The following GAA variants were observed in gnomAD, a reference collection of about 807,000 sequenced individuals.
The protein encoded by GAA is lysosomal alpha-glucosidase.
Under a neutral mutation model 103.9 loss-of-function variants are expected in GAA, and 88 were observed. The observed-to-expected ratio is 0.85, with a 90% confidence interval of 0.71 to 1.01. The LOEUF is 1.01. GAA is among the 50% of genes least tolerant of loss of function. The probability of loss-of-function intolerance (pLI) is 0.00; values close to 1 mark genes in which losing one functional copy is unlikely to be tolerated. For synonymous variants in GAA, 572 were observed against 563.1 expected, an observed-to-expected ratio of 1.02 and a Z score of -0.22; for missense variants, 1,350 against 1,305.3, an observed-to-expected ratio of 1.03 and a Z score of -0.53.
Position 80,105,144 on chromosome 17 carries a change from AGGGGCG to A in GAA, c.546+20_546+25del, listed in dbSNP as rs2039049083. The A allele has an allele frequency of 1.3e-6, 2 of 1,599,308 alleles. No homozygotes were observed. The highest frequency in any genetic ancestry group is 1.3e-5 in the African/African-American group (1 of 74,816). ...GCCTCCACTTCACGGTGGGCAGGGC[AGGGGCG>A]GGGGCGGCGGCCAGGGCAGAGGGTG... On this transcript the variant is annotated intron_variant, in intron 2 of 19. Transcript: ENST00000302262.
At chr17:80,108,205 C>CT (rs2039139789) in intron 5 of GAA, 85 bp from the exon 6 acceptor site, 1 of 1,608,378 alleles carries the variant, frequency 6.2e-7, no homozygotes, top group East Asian at 2.2e-5. Flanking sequence ...CCTCAACTCT[C>CT]CGCCTGTGAT....
rs779266179 is a variant in GAA at position 80,108,330 on chromosome 17, G to T, written c.996G>T (p.Ser332=). 6.2e-7 allele frequency: 1 copy of T among 1,613,686 alleles called. No homozygotes were observed. The highest frequency in any genetic ancestry group is 8.5e-7 in the Non-Finnish European group (1 of 1,180,028). Reference sequence around the variant, plus strand: ...CGAGCCCTGCCCTTAGCTGGAGGTCGACAGGTGGGATCCTGGATGTCTACA... The same window carrying T: ...CGAGCCCTGCCCTTAGCTGGAGGTCTACAGGTGGGATCCTGGATGTCTACA... ...LQPSPALSWR[S]TGGILDVYIF... Residue 332 remains serine, a synonymous_variant, in exon 6 of 20, where the codon TCG becomes TCT. Transcript: ENST00000302262.
chr17:80,106,589 C>A (rs1343552349), intron 3 of GAA, among the ~76,000 whole-genome samples: 1 of 152,150 alleles, frequency 6.6e-6, no homozygotes, highest in African/African-American at 2.4e-5. Flanking sequence ...TCTGAGCTGA[C>A]CTCTGAGTAG....
At chr17:80,107,417 TC>T in intron 3 of GAA, 139 bp from the exon 4 acceptor site, 2 of 1,105,984 alleles carry the variant, frequency 1.8e-6, no homozygotes, top group South Asian at 2.5e-5. Context: ...CGGCCGCCTG[TC>T]CCAGGGTCAG....
intron 7 of GAA, 28 bp downstream of exon 7, chr17:80,108,635 A>G (rs2039154533): frequency 1.2e-6 from 2 of 1,612,614 alleles, no homozygotes; most frequent in East Asian, 4.5e-5. Flanking sequence ...CAGGGGAGGC[A>G]AGGGGCTGGC....
rs117530672 is a variant in GAA at position 80,104,846 on chromosome 17, A to G, written c.260A>G (p.Asn87Ser). Reference protein sequence around the residue: ...AVPTQCDVPPNSRFDCAPDKA... With the variant: ...AVPTQCDVPPSSRFDCAPDKA... ...CCCACACAGTGCGACGTCCCCCCCA[A>G]CAGCCGCTTCGATTGCGCCCCTGAC... The change falls in exon 2 of 20, where the codon AAC becomes AGC. Residue 87 changes from asparagine to serine, a missense_variant. Physicochemically the swap from Asn to Ser is conservative, Grantham distance 46. Transcript: ENST00000302262. The surrounding 1 kb of genome is among the most constrained non-coding windows in gnomAD (Gnocchi z 4.0). 4.3e-6 allele frequency: 7 copies of G among 1,612,350 alleles called. No homozygotes were observed. The East Asian group carries it at 1.3e-4, about 31-fold the overall frequency.
At chr17:80,112,454 GTCC>G in intron 12 of GAA, 121 bp from the exon 13 acceptor site, 1 of 1,256,670 alleles carries the variant, frequency 8.0e-7, no homozygotes, top group Non-Finnish European at 1.1e-6. Flanking sequence ...TAGCCTCGCC[GTCC>G]TCCTCCCCAG....
intron 1 of GAA, chr17:80,102,308 A>C (rs1374988485): frequency 6.6e-6 from 1 of 152,218 alleles, no homozygotes; most frequent in African/African-American, 2.4e-5. Context: ...GCCAGGGGTG[A>C]CTGTCTCTGG....
At chr17:80,111,744 G>A in intron 11 of GAA, 1 of 558,680 alleles carries the variant, frequency 1.8e-6, no homozygotes, top group Non-Finnish European at 3.2e-6. Context: ...CTGGGGGTCT[G>A]CAGAGCCCAG....
intron 8 of GAA, among the ~76,000 whole-genome samples, chr17:80,109,652 A>G (rs2039181761): frequency 6.6e-6 from 1 of 152,096 alleles, no homozygotes; most frequent in Admixed American, 6.5e-5. Context: ...TTTTTTAATT[A>G]TAAAAGAAAA....
chr17:80,107,356 T>G (rs1199796374), intron 3 of GAA, among the ~76,000 whole-genome samples: 1 of 152,120 alleles, frequency 6.6e-6, no homozygotes, highest in Non-Finnish European at 1.5e-5. Flanking sequence ...TGATATGCCC[T>G]GAGAGTTGAT....
chr17:80,108,485 G>A lies in GAA; in HGVS notation c.1076-4G>A. 6.2e-7 allele frequency: 1 copy of A among 1,613,164 alleles called. No homozygotes were observed. Among genetic ancestry groups the A allele is most frequent in the Non-Finnish European group, 8.5e-7 (1 of 1,180,010 alleles). The stretch of plus-strand genomic sequence containing the variant: ...TCCCTCATGAAGTCGGCGTTGGCCT[G>A]CAGGATACCCGTTCATGCCGCCATA... On this transcript the variant is annotated splice_polypyrimidine_tract_variant and splice_region_variant and intron_variant, in intron 6 of 19. Coordinates refer to ENST00000302262, the MANE Select transcript of GAA (RefSeq NM_000152.5).
intron 2 of GAA, among the ~76,000 whole-genome samples, 185 bp from the exon 3 acceptor site, chr17:80,105,564 G>A (rs2039062852): frequency 6.6e-6 from 1 of 152,180 alleles, no homozygotes; most frequent in Admixed American, 6.5e-5. Context: ...CTCCATCCTG[G>A]GGGAGGCGTC....
Position 80,110,029 on chromosome 17 carries a change from G to A in GAA, c.1411G>A (p.Glu471Lys), listed in dbSNP as rs189402693. The change falls in exon 9 of 20, where the codon GAG (glutamate) becomes AAG (lysine). Residue 471 changes from glutamate to lysine, a missense_variant. By Grantham distance (56) the Glu-to-Lys change is moderately conservative. Transcript: ENST00000302262. ...GCGGAGGGGGGTTTTCATCACCAAC[G>A]AGACCGGCCAGCCGCTGATTGGGAA... ...GLRRGVFITN[E>K]TGQPLIGKVW... is the part of the protein sequence containing the mutation. 111 of 1,613,236 alleles carry A rather than the reference G, an allele frequency of 6.9e-5. 2 individuals carry two copies. The South Asian group carries it at 8.5e-4, about 12-fold the overall frequency.
intron 9 of GAA, among the ~76,000 whole-genome samples, chr17:80,110,413 C>T (rs2039203995): frequency 6.6e-6 from 1 of 152,214 alleles, no homozygotes; most frequent in African/African-American, 2.4e-5. Flanking sequence ...TGTGAGGCTG[C>T]CTGGCAGGGC....
chr17:80,107,939 G>C lies in GAA; in HGVS notation c.955+43G>C, dbSNP rs376434258. 765 of 1,544,756 alleles carry C rather than the reference G, an allele frequency of 5.0e-4. 2 individuals carry two copies. Among genetic ancestry groups the C allele is most frequent in the Non-Finnish European group, 6.1e-4 (695 of 1,135,988 alleles). On this transcript the variant is annotated intron_variant, in intron 5 of 19. Transcript: ENST00000302262. ...CAGCGCCCGGGCCGGGGTCTCCTCC[G>C]TGCTGCCTGCCCTGGAGACTGGAGG...
At chr17:80,118,836 C>T (rs968390229) in intron 19 of GAA, 31 bp downstream of exon 19, 11 of 1,610,838 alleles carry the variant, frequency 6.8e-6, no homozygotes, top group African/African-American at 2.7e-5. Context: ...ACAGGGATCG[C>T]GTCCCCCAGC....
chr17:80,118,768 T>C lies in GAA; in HGVS notation c.2762T>C (p.Val921Ala). The stretch of plus-strand genomic sequence containing the variant: ...CCCCAGCAGGTCCTCTCCAACGGTG[T>C]CCCTGTCTCCAACTTCACCTACAGC... Reference protein sequence around the residue: ...TAPQQVLSNGVPVSNFTYSPD... With the variant: ...TAPQQVLSNGAPVSNFTYSPD... Residue 921 changes from valine (V) to alanine (A), a missense_variant, in exon 19 of 20, where the codon GTC becomes GCC. Physicochemically the swap from Val to Ala is moderately conservative, Grantham distance 64. Coordinates refer to ENST00000302262, the MANE Select transcript of GAA (RefSeq NM_000152.5). 1.2e-6 allele frequency: 2 copies of C among 1,613,502 alleles called. No homozygotes were observed. Among genetic ancestry groups the C allele is most frequent in the African/African-American group, 2.7e-5 (2 of 75,038 alleles).
chr17:80,106,534 A>G (rs79077441), intron 3 of GAA, among the ~76,000 whole-genome samples: 1 of 151,190 alleles, frequency 6.6e-6, no homozygotes, highest in Non-Finnish European at 1.5e-5. Flanking sequence ...TGGGGAGGCC[A>G]CTCTGGAAAC....
Sources: gnomAD v4.1 joint callset for allele counts (sites outside exome capture counted in the v4.1 genomes callset) on GRCh38, gnomAD v4.1.1 for gene constraint, Gnocchi (gnomAD v3.1) non-coding constraint, MANE v1.5 for transcripts, NCBI Gene and HGNC (gene_info 2026-07-23, HGNC 2026-07-21) for gene names.